The following NWD2 variants were observed in gnomAD, a reference collection of about 807,000 sequenced individuals.
NWD2 encodes the protein NACHT and WD repeat domain containing 2.
Under a neutral mutation model 132.7 loss-of-function variants are expected in NWD2, and 37 were observed. The observed-to-expected ratio is 0.28, with a 90% confidence interval of 0.21 to 0.37. The LOEUF (loss-of-function observed/expected upper bound fraction) is 0.37, where lower values mean the gene tolerates loss of function less well. Among genes scored for constraint, NWD2 ranks in the 10% least tolerant of loss-of-function variants. NWD2 has a pLI of 1.00. For synonymous variants in NWD2, 705 were observed against 803.0 expected (o/e 0.88, Z 2.06); for missense variants, 1,592 against 2,122.4 (o/e 0.75, Z 4.91).
At chr4:37,268,876 C>T (rs1232418046) in intron 1 of NWD2, among the ~76,000 whole-genome samples, 1 of 151,816 alleles carries the variant, frequency 6.6e-6, no homozygotes, top group Non-Finnish European at 1.5e-5. Context: ...TTCTCCCAAA[C>T]ACTCTGCATA....
intron 4 of NWD2, among the ~76,000 whole-genome samples, chr4:37,433,161 G>C (rs1374168106): frequency 6.6e-6 from 1 of 152,096 alleles, no homozygotes; most frequent in African/African-American, 2.4e-5. Context: ...CTCTGGGTGA[G>C]AATATTGGGG....
rs1717196062 is a variant in NWD2 at position 37,244,879 on chromosome 4, A to G, written c.-189A>G. The G allele has an allele frequency of 4.5e-6, 3 of 664,286 alleles. No individual in the cohort carries two copies. Among genetic ancestry groups the G allele is most frequent in the South Asian group, 2.0e-5 (1 of 49,442 alleles). The allele number at this position is 664,286 out of a possible 1,614,324, so 41.1% of individuals were successfully genotyped here. A position where few individuals can be genotyped will look rare whatever the true frequency, so the allele number is the denominator to read the frequency against. ...CCGCGACAGGAGCCCGAGGGTCCGT[A>G]TGGCTTCTCCTCGCCGGCGGGTGCT... On this transcript the variant is annotated 5_prime_UTR_variant, in exon 1 of 7. An upstream start codon of the reference 5' UTR is lost. Transcript: ENST00000309447. The surrounding 1 kb of genome is among the most constrained non-coding windows in gnomAD (Gnocchi z 5.5).
At chr4:37,333,010 A>G (rs60056256) in intron 2 of NWD2, among the ~76,000 whole-genome samples, 28,498 of 152,060 alleles carry the variant, frequency 0.19, 2,777 homozygotes, top group South Asian at 0.32. Context: ...TCTGCTCGTG[A>G]AAAAGGGAGG....
chr4:37,377,470 A>G (rs113090829), intron 3 of NWD2, among the ~76,000 whole-genome samples: 2,966 of 152,230 alleles, frequency 0.019, 105 homozygotes, highest in African/African-American at 0.068. Context: ...GGTGGCTCAC[A>G]CCTGTAATCC....
intron 3 of NWD2, among the ~76,000 whole-genome samples, chr4:37,429,919 A>C (rs1276238564): frequency 2.0e-5 from 3 of 152,222 alleles, no homozygotes; most frequent in Non-Finnish European, 2.9e-5. Context: ...CAAATGCTAG[A>C]TCACTTTACA....
chr4:37,348,662 A>ATATC (rs1305751798), intron 2 of NWD2, among the ~76,000 whole-genome samples: 1 of 80,982 alleles, frequency 1.2e-5, no homozygotes, highest in African/African-American at 4.3e-5. Context: ...ATATATATAT[A>ATATC]TATATATATA....
chr4:37,251,376 G>A (rs116745950), intron 1 of NWD2, among the ~76,000 whole-genome samples: 1,636 of 152,246 alleles, frequency 0.011, 26 homozygotes, highest in African/African-American at 0.037. Flanking sequence ...GTCATTATGT[G>A]GCACATGACT....
chr4:37,297,481 A>G (rs578025292), intron 1 of NWD2, among the ~76,000 whole-genome samples: 1 of 152,302 alleles, frequency 6.6e-6, no homozygotes, highest in South Asian at 2.1e-4. Context: ...GCTTCAATGT[A>G]TATTTTCTAA....
Position 37,420,020 on chromosome 4 carries a change from A to G in NWD2, c.358-10552A>G, listed in dbSNP as rs139662730. On this transcript the variant is annotated intron_variant, in intron 3 of 6. Coordinates refer to ENST00000309447, the MANE Select transcript of NWD2 (RefSeq NM_001144990.2). ...TGTTTCCTAGTTTCCTAGAAACCAT[A>G]GGTATGCTCATTATTTTCCTCTATC... Among the ~76,000 whole-genome samples, 531 of 152,342 alleles carry G rather than the reference A, an allele frequency of 3.5e-3. 2 individuals are homozygous for G. Among genetic ancestry groups the G allele is most frequent in the African/African-American group, 0.011 (467 of 41,574 alleles).
In NWD2 at chr4:37,443,803, C is replaced by G. The variant is rs1298770576; in HGVS notation, c.1815C>G (p.Ser605=). 3.9e-6 allele frequency: 6 copies of G among 1,551,928 alleles called. No homozygotes were observed. The highest frequency in any genetic ancestry group is 4.4e-6 in the Non-Finnish European group (5 of 1,147,082). The change falls in exon 7 of 7, where the codon TCC becomes TCG. Residue 605 remains serine (S), a synonymous_variant. Transcript: ENST00000309447. The surrounding 1 kb of genome is among the most constrained non-coding windows in gnomAD (Gnocchi z 4.1). ...AGATTTATGTGAACAATGCATTATC[C>G]AAGTGCACACTGCCAATGTTTGTGA... ...GQQIYVNNAL[S]KCTLPMFVNL...
intron 1 of NWD2, among the ~76,000 whole-genome samples, chr4:37,287,040 A>G (rs116746462): frequency 0.013 from 2,028 of 152,270 alleles, 40 homozygotes; most frequent in East Asian, 0.1. Flanking sequence ...GCAATGTGGT[A>G]CTGTGGCCCA....
chr4:37,275,008 G>A (rs1318758534), intron 1 of NWD2, among the ~76,000 whole-genome samples: 4 of 152,152 alleles, frequency 2.6e-5, no homozygotes, highest in African/African-American at 9.7e-5. Context: ...CATTCCCTTT[G>A]AAAACTGGCA....
intron 1 of NWD2, among the ~76,000 whole-genome samples, chr4:37,305,428 C>T (rs921797151): frequency 6.6e-6 from 1 of 152,166 alleles, no homozygotes; most frequent in Non-Finnish European, 1.5e-5. Context: ...ACTACATGGT[C>T]GGGCTGCAAA....
rs1331660099 is a variant in NWD2 at position 37,378,050 on chromosome 4, C to T, written c.357+21568C>T. 2.0e-5 allele frequency among the ~76,000 whole-genome samples: 3 copies of T among 152,026 alleles called. No homozygotes were observed. The South Asian group carries it at 6.2e-4, about 32-fold the overall frequency. On this transcript the variant is annotated intron_variant, in intron 3 of 6. Coordinates refer to ENST00000309447, the MANE Select transcript of NWD2 (RefSeq NM_001144990.2). ...TTTCAATTAAAAATTAATCATTAAACATTTTAGGTTAGAACTTCTTATAAT... is the reference window on the plus strand; with the variant it reads ...TTTCAATTAAAAATTAATCATTAAATATTTTAGGTTAGAACTTCTTATAAT...
intron 3 of NWD2, among the ~76,000 whole-genome samples, chr4:37,394,891 C>T (rs1371104305): frequency 7.3e-6 from 1 of 137,626 alleles, no homozygotes; most frequent in Non-Finnish European, 1.5e-5. Flanking sequence ...TGGCTCACTG[C>T]AACCTCTGCC....
intron 1 of NWD2, among the ~76,000 whole-genome samples, chr4:37,284,063 CTGTT>C (rs1718178944): frequency 6.6e-6 from 1 of 152,164 alleles, no homozygotes; most frequent in Non-Finnish European, 1.5e-5. Flanking sequence ...TTATCTTAGT[CTGTT>C]TGGACTGTTA....
rs1560257242 is a variant in NWD2, at chr4:37,443,649, A to T, written c.1661A>T (p.Gln554Leu). 1 of 1,552,124 alleles carries T rather than the reference A, an allele frequency of 6.4e-7. No homozygotes were observed. The highest frequency in any genetic ancestry group is 1.4e-5 in the African/African-American group (1 of 73,152). ...CTGCCCAACAAACATGGGATCTTGCAGAAACTAAGGTGCCTTATCCATGAA... is the reference window on the plus strand; with the variant it reads ...CTGCCCAACAAACATGGGATCTTGCTGAAACTAAGGTGCCTTATCCATGAA... ...STLPNKHGILQKLRCLIHEED... is the reference protein window; with the variant it reads ...STLPNKHGILLKLRCLIHEED... The change falls in exon 7 of 7, where the codon CAG becomes CTG. Residue 554 changes from glutamine (Q) to leucine (L), a missense_variant. This residue lies in a region of NWD2 where 1,071 missense variants were observed against 1,398.0 expected (regional missense o/e 0.77). Coordinates refer to ENST00000309447, the MANE Select transcript of NWD2 (RefSeq NM_001144990.2). The surrounding 1 kb of genome is among the most constrained non-coding windows in gnomAD (Gnocchi z 4.1).
chr4:37,310,919 T>C (rs570375316), intron 1 of NWD2, among the ~76,000 whole-genome samples: 2 of 151,608 alleles, frequency 1.3e-5, no homozygotes, highest in Non-Finnish European at 2.9e-5. Flanking sequence ...TTACTGAGAA[T>C]GATGATTTCC....
chr4:37,440,224 T>G (rs1347167054), intron 6 of NWD2, among the ~76,000 whole-genome samples: 2 of 152,186 alleles, frequency 1.3e-5, no homozygotes, highest in Non-Finnish European at 2.9e-5. Flanking sequence ...GTGCTTCCAG[T>G]ACCTTTCTGC....
Sources: gnomAD v4.1 joint callset for allele counts (sites outside exome capture counted in the v4.1 genomes callset) on GRCh38, gnomAD v4.1.1 for gene constraint, gnomAD v4.1.1 regional missense constraint, Gnocchi (gnomAD v3.1) non-coding constraint, MANE v1.5 for transcripts, NCBI Gene and HGNC (gene_info 2026-07-23, HGNC 2026-07-21) for gene names.